CACNG2: variants seen among roughly 807,000 people sequenced by gnomAD.
The protein encoded by CACNG2 is voltage-dependent calcium channel gamma-2 subunit.
Under a neutral mutation model 25.9 loss-of-function variants are expected in CACNG2, and 3 were observed. The observed-to-expected ratio is 0.12, with a 90% CI of 0.05 to 0.30. The LOEUF is 0.30. CACNG2 is among the 10% of genes least tolerant of loss of function. CACNG2 has a pLI of 1.00. For missense variants in CACNG2, 341 were observed against 432.5 expected, an observed-to-expected ratio of 0.79 and a Z score of 1.88; for synonymous variants, 167 against 173.3, an observed-to-expected ratio of 0.96 and a Z score of 0.29.
At chr22:36,660,431 C>T (rs1936775156) in intron 1 of CACNG2, among the ~76,000 whole-genome samples, 1 of 152,274 alleles carries the variant, frequency 6.6e-6, no homozygotes, top group Middle Eastern at 3.2e-3. Context: ...CCTTCCGATG[C>T]TGCTTTCGAT....
intron 1 of CACNG2, among the ~76,000 whole-genome samples, chr22:36,590,469 G>A (rs1187358851): frequency 1.3e-5 from 2 of 152,108 alleles, no homozygotes; most frequent in Non-Finnish European, 1.5e-5. Flanking sequence ...CCTGAGCCTA[G>A]TTGTCAGCGC....
intron 1 of CACNG2, among the ~76,000 whole-genome samples, chr22:36,662,835 A>G (rs1271862144): frequency 6.6e-6 from 1 of 152,118 alleles, no homozygotes; most frequent in East Asian, 1.9e-4. Context: ...GTCACGGTTG[A>G]GGAGCCGGGA....
intron 1 of CACNG2, among the ~76,000 whole-genome samples, chr22:36,654,623 T>C (rs562813260): frequency 6.6e-6 from 1 of 152,292 alleles, no homozygotes; most frequent in Admixed American, 6.5e-5. Context: ...GGAAAAGCTG[T>C]GTCTCTTAAG....
At chr22:36,574,784 A>G in intron 2 of CACNG2, among the ~76,000 whole-genome samples, 1 of 60,860 alleles carries the variant, frequency 1.6e-5, no homozygotes, top group Non-Finnish European at 3.0e-5. Flanking sequence ...CTCTGTCTCA[A>G]CAAAACAAAA....
chr22:36,647,965 G>A (rs1936553684), intron 1 of CACNG2, among the ~76,000 whole-genome samples: 2 of 152,224 alleles, frequency 1.3e-5, no homozygotes, highest in African/African-American at 4.8e-5. Context: ...TTTCCTCAGC[G>A]CTTAGGCTCC....
intron 1 of CACNG2, among the ~76,000 whole-genome samples, chr22:36,641,713 A>G (rs138466961): frequency 1.3e-4 from 20 of 152,264 alleles, no homozygotes; most frequent in African/African-American, 4.8e-4. Flanking sequence ...TATGAACAGA[A>G]TTTAGATGTG....
intron 1 of CACNG2, among the ~76,000 whole-genome samples, chr22:36,639,824 G>T (rs1873699698): frequency 1.3e-5 from 2 of 152,342 alleles, no homozygotes; most frequent in African/African-American, 4.8e-5. Flanking sequence ...CAGTGAGAGA[G>T]GTACTGGCTC....
intron 1 of CACNG2, among the ~76,000 whole-genome samples, chr22:36,608,242 C>G (rs1159899227): frequency 6.6e-6 from 1 of 152,164 alleles, no homozygotes; most frequent in Admixed American, 6.5e-5. Flanking sequence ...AGCAGGGATT[C>G]TAAGAAGCCT....
intron 2 of CACNG2, among the ~76,000 whole-genome samples, chr22:36,581,635 C>T (rs1264407719): frequency 6.6e-6 from 1 of 152,186 alleles, no homozygotes; most frequent in Non-Finnish European, 1.5e-5. Flanking sequence ...TCCTGCTCAG[C>T]CCCCTTTCCT....
intron 1 of CACNG2, among the ~76,000 whole-genome samples, chr22:36,643,924 C>T (rs1285065338): frequency 1.3e-5 from 2 of 152,172 alleles, no homozygotes; most frequent in Non-Finnish European, 2.9e-5. Flanking sequence ...CCCAAGGTTA[C>T]ATCCGGAAAA....
chr22:36,672,149 AT>A (rs554891958), intron 1 of CACNG2, among the ~76,000 whole-genome samples: 5,094 of 145,892 alleles, frequency 0.035, 263 homozygotes, highest in African/African-American at 0.11. Flanking sequence ...GTGGGGCTAC[AT>A]TTTTTTTTTT....
chr22:36,671,526 G>A (rs1019005806), intron 1 of CACNG2, among the ~76,000 whole-genome samples: 8 of 152,224 alleles, frequency 5.3e-5, no homozygotes, highest in African/African-American at 1.7e-4. Context: ...CGCACAAGCC[G>A]AGAGAGGCTC....
chr22:36,701,679 G>A (rs75757653), intron 1 of CACNG2, among the ~76,000 whole-genome samples: 2,410 of 152,198 alleles, frequency 0.016, 80 homozygotes, highest in African/African-American at 0.055. Context: ...TTAGAACTTA[G>A]GCTTGTTTCC....
intron 1 of CACNG2, among the ~76,000 whole-genome samples, chr22:36,640,021 T>C (rs1936419195): frequency 6.6e-6 from 1 of 152,136 alleles, no homozygotes; most frequent in South Asian, 2.1e-4. Context: ...AGTCTCCAAG[T>C]CCGAAATTCA....
At chr22:36,697,459 G>T (rs1937354960) in intron 1 of CACNG2, among the ~76,000 whole-genome samples, 1 of 152,180 alleles carries the variant, frequency 6.6e-6, no homozygotes, top group African/African-American at 2.4e-5. Flanking sequence ...ATGATAGGGG[G>T]ACAATGTAGC....
At chr22:36,646,094 G>C (rs1250544998) in intron 1 of CACNG2, among the ~76,000 whole-genome samples, 3 of 152,112 alleles carry the variant, frequency 2.0e-5, no homozygotes, top group Admixed American at 6.5e-5. Context: ...GAAAATATTG[G>C]CTTGACTTGA....
chr22:36,649,840 CCTTT>C (rs1433028179), intron 1 of CACNG2, among the ~76,000 whole-genome samples: 1 of 152,216 alleles, frequency 6.6e-6, no homozygotes, highest in Non-Finnish European at 1.5e-5. Context: ...CTTTGCTCTT[CCTTT>C]GTCTTCCACC....
At chr22:36,583,720 G>C (rs1388304738) in intron 2 of CACNG2, among the ~76,000 whole-genome samples, 1 of 152,126 alleles carries the variant, frequency 6.6e-6, no homozygotes, top group African/African-American at 2.4e-5. Context: ...CACTCTGGTT[G>C]CCCCCTCTCC....
intron 1 of CACNG2, among the ~76,000 whole-genome samples, chr22:36,685,786 T>C (rs1289642679): frequency 6.6e-6 from 1 of 152,242 alleles, no homozygotes; most frequent in Admixed American, 6.5e-5. Flanking sequence ...CACTAACTAA[T>C]TTGTTCCTCC....
Sources: allele counts gnomAD v4.1 joint callset (sites outside exome capture counted in the v4.1 genomes callset), GRCh38; gene constraint gnomAD v4.1.1; transcripts MANE v1.5; gene names NCBI Gene and HGNC (gene_info 2026-07-23, HGNC 2026-07-21).